NT5C3B: variants seen among roughly 807,000 people sequenced by gnomAD.
NT5C3B encodes 7-methylguanosine phosphate-specific 5'-nucleotidase.
NT5C3B carries 28 observed loss-of-function variants against 32.5 expected under a neutral mutation model. The ratio of observed to expected loss-of-function variants is 0.86; its 90% CI spans 0.64 to 1.18. The LOEUF (loss-of-function observed/expected upper bound fraction) is 1.18, where lower values mean the gene tolerates loss of function less well. NT5C3B is among the 50% of genes most tolerant of loss of function. The pLI is 0.00. For missense variants in NT5C3B, 317 were observed against 322.0 expected (o/e 0.98, Z 0.12); for synonymous variants, 138 against 118.0 (o/e 1.17, Z -1.10).
intron 8 of NT5C3B, among the ~76,000 whole-genome samples, chr17:41,827,022 A>G (rs1346137663): frequency 1.3e-5 from 2 of 151,518 alleles, no homozygotes; most frequent in Admixed American, 6.6e-5. Context: ...AAAAAGAAAA[A>G]AAAGCTGGGT....
In NT5C3B at chr17:41,825,505, G is replaced by A. The variant is rs375692567; in HGVS notation, c.*18C>T. ...CCCTCCTCACCACGGCCTGCAGGCC[G>A]GGCTGGAGCCTGCGCCTTCAGGGGC... On this transcript the variant is annotated 3_prime_UTR_variant, in exon 9 of 9. Transcript: ENST00000435506. The A allele has an allele frequency of 4.6e-5, 40 of 869,758 alleles. No homozygotes were observed. Among genetic ancestry groups the A allele is most frequent in the Admixed American group, 1.7e-4 (10 of 58,664 alleles). 53.9% of individuals were successfully genotyped at this position (869,758 alleles called of 1,614,324 possible). A position where few individuals can be genotyped will look rare whatever the true frequency, so the allele number is the denominator to read the frequency against.
chr17:41,828,882 T>C lies in NT5C3B; in HGVS notation c.475A>G (p.Ile159Val). ...ATAATTTCTTCCAGGATATCACCAA[T>C]GCCCGCAGAAAAGATGAAAAGGGGA... ...NIPLFIFSAG[I>V]GDILEEIIRQ... is the part of the protein sequence containing the mutation. Residue 159 changes from isoleucine to valine, a missense_variant, in exon 7 of 9, where the codon ATT becomes GTT. Ile to Val is a conservative substitution (Grantham distance 29, BLOSUM62 3). Transcript: ENST00000435506. The C allele has an allele frequency of 6.2e-7, 1 of 1,613,850 alleles. No individual in the cohort carries two copies. Among genetic ancestry groups the C allele is most frequent in the East Asian group, 2.2e-5 (1 of 44,886 alleles).
At chr17:41,836,053 G>C in intron 1 of NT5C3B, 96 bp from the exon 2 acceptor site, 1 of 1,405,540 alleles carries the variant, frequency 7.1e-7, no homozygotes, top group Non-Finnish European at 9.3e-7. Flanking sequence ...GGCGGGGCCG[G>C]GGTGCGCGAG....
In NT5C3B at chr17:41,830,902, C is replaced by G; in HGVS notation, c.315-12G>C. ...GTGCTTTGGTCCACCTAGAAACAGA[C>G]ACCCCAGAAAACCCCAAATTCAAAT... On this transcript the variant is annotated splice_polypyrimidine_tract_variant and intron_variant, in intron 5 of 8. Transcript: ENST00000435506. The G allele has an allele frequency of 6.4e-7, 1 of 1,561,148 alleles. No homozygotes were observed.
chr17:41,826,870 C>T (rs2047973803), intron 8 of NT5C3B, among the ~76,000 whole-genome samples: 1 of 151,474 alleles, frequency 6.6e-6, no homozygotes, highest in Admixed American at 6.6e-5. Context: ...TGTGGTGGCA[C>T]ATGCCTGTAG....
chr17:41,834,393 TACACACACACAC>T (rs56965181), intron 4 of NT5C3B, among the ~76,000 whole-genome samples: 1 of 139,770 alleles, frequency 7.2e-6, no homozygotes, highest in Non-Finnish European at 1.5e-5. Flanking sequence ...AAAAAAAAAA[TACACACACACAC>T]ACACACACAC....
intron 6 of NT5C3B, among the ~76,000 whole-genome samples, chr17:41,830,376 C>T (rs1169221865): frequency 6.6e-6 from 1 of 152,150 alleles, no homozygotes; most frequent in Non-Finnish European, 1.5e-5. Flanking sequence ...GGTGTGGTGG[C>T]GGGCACCTGT....
At chr17:41,830,277 G>A (rs567931156) in intron 6 of NT5C3B, among the ~76,000 whole-genome samples, 3 of 152,362 alleles carry the variant, frequency 2.0e-5, no homozygotes, top group East Asian at 3.9e-4. Flanking sequence ...TTGGAAGGCC[G>A]AGGTGGGCGG....
chr17:41,827,298 CA>C (rs1193302990), intron 8 of NT5C3B, 127 bp downstream of exon 8: 325 of 397,432 alleles, frequency 8.2e-4, no homozygotes, highest in Middle Eastern at 2.1e-3. Flanking sequence ...GACCCCGTCT[CA>C]AAAAAAAATA....
At position 41,830,948 on chromosome 17, in the gene NT5C3B, C is replaced by G; in HGVS notation, c.315-58G>C. The G allele has an allele frequency of 4.5e-6, 5 of 1,117,664 alleles. No homozygotes were observed. The South Asian group carries it at 6.3e-5, about 14-fold the overall frequency. 69.2% of individuals were successfully genotyped at this position (1,117,664 alleles called of 1,614,324 possible). On this transcript the variant is annotated intron_variant, in intron 5 of 8. Transcript: ENST00000435506. ...CAAATCACTGAAGTAAATAACTCAC[C>G]CTTTCCCTTTACAGAGCCAAGTACC...
chr17:41,831,205 G>A (rs2048045912), intron 5 of NT5C3B, among the ~76,000 whole-genome samples: 2 of 151,800 alleles, frequency 1.3e-5, no homozygotes, highest in Non-Finnish European at 2.9e-5. Flanking sequence ...TGTAGTCCCA[G>A]CTACTTGGGA....
intron 5 of NT5C3B, among the ~76,000 whole-genome samples, chr17:41,831,424 C>T (rs967398811): frequency 1.3e-5 from 2 of 152,040 alleles, no homozygotes; most frequent in Non-Finnish European, 2.9e-5. Context: ...ATCCCTTCCT[C>T]CGTGAACCCT....
intron 2 of NT5C3B, chr17:41,835,597 G>C (rs2048135715): frequency 7.9e-6 from 4 of 506,016 alleles, no homozygotes; most frequent in Non-Finnish European, 1.5e-5. Context: ...CTGGGGAGCC[G>C]CTGGCTTGGG....
chr17:41,832,382 CATCA>C lies in NT5C3B; in HGVS notation c.314+6_314+9del. ...GGGCCCAGAAGCTTTTCTCCACCACCATCACTCACCATTCCACCATATGAGGTAG... is the reference window on the plus strand; with the variant it reads ...GGGCCCAGAAGCTTTTCTCCACCACCCTCACCATTCCACCATATGAGGTAG... On this transcript the variant is annotated splice_donor_region_variant and intron_variant, in intron 5 of 8. Coordinates refer to ENST00000435506, the MANE Select transcript of NT5C3B (RefSeq NM_052935.5). 6.2e-7 allele frequency: 1 copy of C among 1,612,370 alleles called. No homozygotes were observed.
chr17:41,827,298 C>CA lies in NT5C3B; in HGVS notation c.768+127dup, dbSNP rs1193302990. The CA allele has an allele frequency of 1.7e-3, 667 of 397,680 alleles. 2 individuals carry two copies. The highest frequency in any genetic ancestry group is 5.8e-3 in the African/African-American group (260 of 44,610). The allele number at this position is 397,680 out of a possible 1,614,324, so 24.6% of individuals were successfully genotyped here. ...TGGGCGACAGAGTGAGACCCCGTCT[C>CA]AAAAAAAAATAAAATAAAATAAAAT... On this transcript the variant is annotated intron_variant, in intron 8 of 8. Coordinates refer to ENST00000435506, the MANE Select transcript of NT5C3B (RefSeq NM_052935.5).
At chr17:41,825,701 C>A (rs1567859018) in intron 8 of NT5C3B, 44 bp from the exon 9 acceptor site, 1 of 870,962 alleles carries the variant, frequency 1.1e-6, no homozygotes, top group Non-Finnish European at 2.0e-6. Context: ...CCCAAATGCC[C>A]TGCCCTCCGT....
rs782243169 is a variant in NT5C3B, at chr17:41,825,511, G to A, written c.*12C>T. 2.3e-6 allele frequency: 2 copies of A among 871,100 alleles called. No individual in the cohort carries two copies. The highest frequency in any genetic ancestry group is 4.0e-6 in the Non-Finnish European group (2 of 501,254). 54.0% of individuals were successfully genotyped at this position (871,100 alleles called of 1,614,324 possible). On this transcript the variant is annotated 3_prime_UTR_variant, in exon 9 of 9. Coordinates refer to ENST00000435506, the MANE Select transcript of NT5C3B (RefSeq NM_052935.5). ...TCACCACGGCCTGCAGGCCGGGCTG[G>A]AGCCTGCGCCTTCAGGGGCCTTGCA...
rs371721449 is a variant in NT5C3B, at chr17:41,825,933, G to A, written c.769-276C>T. On this transcript the variant is annotated intron_variant, in intron 8 of 8. Coordinates refer to ENST00000435506, the MANE Select transcript of NT5C3B (RefSeq NM_052935.5). ...GATGTTGCCACTTTGGGAGGCTGAG[G>A]CAGAAGGATCATCTGAGCCCAAGAG... 5.4e-4 allele frequency among the ~76,000 whole-genome samples: 82 copies of A among 152,212 alleles called. No homozygotes were observed. The South Asian group carries it at 0.011, about 20-fold the overall frequency.
In NT5C3B at chr17:41,835,970, C is replaced by G. The variant is rs782389715; in HGVS notation, c.13-13G>C. ...TCAGGGTGCTCACCTGTCCCGAGAC[C>G]CGAGAGAACCACTGACCCCTGCGCC... On this transcript the variant is annotated splice_polypyrimidine_tract_variant and intron_variant, in intron 1 of 8. Transcript: ENST00000435506. 2 of 1,567,730 alleles carry G rather than the reference C, an allele frequency of 1.3e-6. No individual in the cohort carries two copies. Among genetic ancestry groups the G allele is most frequent in the South Asian group, 1.2e-5 (1 of 85,824 alleles).
Sources: gnomAD v4.1 joint callset for allele counts (sites outside exome capture counted in the v4.1 genomes callset) on GRCh38, gnomAD v4.1.1 for gene constraint, MANE v1.5 for transcripts, NCBI Gene and HGNC (gene_info 2026-07-23, HGNC 2026-07-21) for gene names.